The following KCNQ1 variants were observed in gnomAD, a reference collection of about 807,000 sequenced individuals.
KCNQ1 encodes the protein potassium voltage-gated channel subfamily KQT member 1.
Under a neutral mutation model 72.4 loss-of-function variants are expected in KCNQ1, and 49 were observed. The ratio of observed to expected loss-of-function variants is 0.68; its 90% CI spans 0.54 to 0.86. The LOEUF (loss-of-function observed/expected upper bound fraction) is 0.86. Ranked by LOEUF, KCNQ1 falls within the 40% of genes least tolerant of loss-of-function variation. The pLI, the probability that KCNQ1 is intolerant of heterozygous loss-of-function variation, is 0.00. For synonymous variants in KCNQ1, 450 were observed against 412.6 expected, an observed-to-expected ratio of 1.09 and a Z score of -1.10; for missense variants, 790 against 945.1, an observed-to-expected ratio of 0.84 and a Z score of 2.15.
chr11:2,843,633 T>C (rs960926888), intron 15 of KCNQ1, among the ~76,000 whole-genome samples: 20 of 152,268 alleles, frequency 1.3e-4, no homozygotes, highest in African/African-American at 4.8e-4. Flanking sequence ...TTGGCGGTCC[T>C]AGGCGGGGAT....
At position 2,613,170 on chromosome 11, in the gene KCNQ1, A is replaced by G. The variant is rs1217995619; in HGVS notation, c.1393+24316A>G. On this transcript the variant is annotated intron_variant, in intron 10 of 15. Coordinates refer to ENST00000155840, the MANE Select transcript of KCNQ1 (RefSeq NM_000218.3). This position sits in a 1 kb window ranked among gnomAD's most constrained non-coding sequence, Gnocchi z 4.8. ...ATCTATGTGTGGGTTGGGACATTCAAAGTTCAGGCACTTTATAACTCTGTC... is the reference window on the plus strand; with the variant it reads ...ATCTATGTGTGGGTTGGGACATTCAGAGTTCAGGCACTTTATAACTCTGTC... The G allele has an allele frequency of 2.5e-6, 1 of 398,396 alleles. No homozygotes were observed. Among genetic ancestry groups the G allele is most frequent in the African/African-American group, 2.1e-5 (1 of 48,586 alleles). 24.7% of individuals were successfully genotyped at this position (398,396 alleles called of 1,614,324 possible).
At chr11:2,460,731 C>A (rs1210526954) in intron 1 of KCNQ1, among the ~76,000 whole-genome samples, 1 of 152,244 alleles carries the variant, frequency 6.6e-6, no homozygotes, top group East Asian at 1.9e-4. Flanking sequence ...AGCAACCCCC[C>A]ATCCGGGTGG....
intron 15 of KCNQ1, among the ~76,000 whole-genome samples, chr11:2,831,759 C>T (rs1847956645): frequency 6.6e-6 from 1 of 150,780 alleles, no homozygotes; most frequent in South Asian, 2.1e-4. Context: ...CCGTTGCCCC[C>T]TCCTCCCTCC....
At chr11:2,761,250 C>A (rs1295756230) in intron 11 of KCNQ1, among the ~76,000 whole-genome samples, 3 of 152,156 alleles carry the variant, frequency 2.0e-5, no homozygotes, top group Non-Finnish European at 4.4e-5. Context: ...TTCCTCCGGT[C>A]AATGGTCTGC....
rs1847845841 is a variant in KCNQ1, at chr11:2,826,566, A to T, written c.1795-21201A>T. Among the ~76,000 whole-genome samples the T allele has an allele frequency of 6.6e-6, 1 of 152,202 alleles. No homozygotes were observed. Among genetic ancestry groups the T allele is most frequent in the Non-Finnish European group, 1.5e-5 (1 of 68,016 alleles). On this transcript the variant is annotated intron_variant, in intron 15 of 15. Coordinates refer to ENST00000155840, the MANE Select transcript of KCNQ1 (RefSeq NM_000218.3). This position sits in a 1 kb window ranked among gnomAD's most constrained non-coding sequence, Gnocchi z 4.2. ...GCTTCCCCGAAGGCCTCCCCAGCAG[A>T]CCTGCAGCTGGGCACCCACAGGGTA...
At chr11:2,594,253 G>A (rs747066335) in intron 10 of KCNQ1, among the ~76,000 whole-genome samples, 1 of 152,196 alleles carries the variant, frequency 6.6e-6, no homozygotes, top group Non-Finnish European at 1.5e-5. Flanking sequence ...CTCTGGAGCT[G>A]TAACACTGCA....
chr11:2,627,840 T>G lies in KCNQ1; in HGVS notation c.1394-34121T>G, dbSNP rs1259073057. 5.0e-6 allele frequency: 2 copies of G among 398,466 alleles called. No homozygotes were observed. Among genetic ancestry groups the G allele is most frequent in the African/African-American group, 2.1e-5 (1 of 48,606 alleles). The allele number at this position is 398,466 out of a possible 1,614,324, so 24.7% of individuals were successfully genotyped here. On this transcript the variant is annotated intron_variant, in intron 10 of 15. Coordinates refer to ENST00000155840, the MANE Select transcript of KCNQ1 (RefSeq NM_000218.3). This position sits in a 1 kb window ranked among gnomAD's most constrained non-coding sequence, Gnocchi z 4.9. ...ATCACAGTTCACTGTAGCCTCAACCTCATGGGCTCAAGTGATCCTCCTGCC... is the reference window on the plus strand; with the variant it reads ...ATCACAGTTCACTGTAGCCTCAACCGCATGGGCTCAAGTGATCCTCCTGCC...
rs962738295 is a variant in KCNQ1 at position 2,848,703 on chromosome 11, C to G, written c.*700C>G. ...CCAGCTCTTCCTAGCTGGAGAGGAGCCCTGCCTCTCCGCCCCTGAGCCCAC... is the reference window on the plus strand; with the variant it reads ...CCAGCTCTTCCTAGCTGGAGAGGAGGCCTGCCTCTCCGCCCCTGAGCCCAC... On this transcript the variant is annotated 3_prime_UTR_variant, in exon 16 of 16. Transcript: ENST00000155840. 4 of 451,380 alleles carry G rather than the reference C, an allele frequency of 8.9e-6. No individual in the cohort carries two copies. The highest frequency in any genetic ancestry group is 4.0e-5 in the African/African-American group (2 of 49,950). The allele number at this position is 451,380 out of a possible 1,614,324, so 28.0% of individuals were successfully genotyped here. A position where few individuals can be genotyped will look rare whatever the true frequency, so the allele number is the denominator to read the frequency against.
At chr11:2,604,022 C>T (rs1431328679) in intron 10 of KCNQ1, among the ~76,000 whole-genome samples, 2 of 152,158 alleles carry the variant, frequency 1.3e-5, no homozygotes, top group African/African-American at 4.8e-5. Flanking sequence ...AATGAATAAT[C>T]TTCCATCGTA....
Position 2,601,838 on chromosome 11 carries a change from A to T in KCNQ1, c.1393+12984A>T, listed in dbSNP as rs1848812938. Among the ~76,000 whole-genome samples the T allele has an allele frequency of 6.6e-6, 1 of 152,196 alleles. No individual in the cohort carries two copies. The highest frequency in any genetic ancestry group is 1.5e-5 in the Non-Finnish European group (1 of 68,048). On this transcript the variant is annotated intron_variant, in intron 10 of 15. Coordinates refer to ENST00000155840, the MANE Select transcript of KCNQ1 (RefSeq NM_000218.3). The surrounding 1 kb of genome is among the most constrained non-coding windows in gnomAD (Gnocchi z 5.2). ...TCCCTCATCCAAGGACATGTGGGTC[A>T]TTCCCAGTTTGGGCTATTACAAATC...
At position 2,817,391 on chromosome 11, in the gene KCNQ1, C is replaced by T. The variant is rs570375382; in HGVS notation, c.1795-30376C>T. Among the ~76,000 whole-genome samples the T allele has an allele frequency of 2.6e-5, 4 of 152,196 alleles. No homozygotes were observed. The highest frequency in any genetic ancestry group is 4.8e-5 in the African/African-American group (2 of 41,510). ...CCAGGAGGAGAATCACACCAGTGCC[C>T]CCTGACCCCCAGCCTTGTGCAGACA... On this transcript the variant is annotated intron_variant, in intron 15 of 15. Coordinates refer to ENST00000155840, the MANE Select transcript of KCNQ1 (RefSeq NM_000218.3). This position sits in a 1 kb window ranked among gnomAD's most constrained non-coding sequence, Gnocchi z 6.1.
rs1048689244 is a variant in KCNQ1, at chr11:2,581,104, T to G, written c.922-2331T>G. On this transcript the variant is annotated intron_variant, in intron 6 of 15. Transcript: ENST00000155840. ...CCCAAAAAATCTGGATTAGACAGAC[T>G]CTGGAGCCCTCTTGCTCCAGGTTGC... 3.9e-5 allele frequency among the ~76,000 whole-genome samples: 6 copies of G among 152,200 alleles called. No individual in the cohort carries two copies. In the South Asian group the frequency reaches 1.2e-3, roughly 31 times the overall value.
At position 2,494,485 on chromosome 11, in the gene KCNQ1, G is replaced by A. The variant is rs1045584674; in HGVS notation, c.387-33443G>A. ...TCAGTATGATATTGCCTGTGGGTTT[G>A]TCATAAATAGCTCTTGTTATTTTGA... On this transcript the variant is annotated intron_variant, in intron 1 of 15. Transcript: ENST00000155840. The surrounding 1 kb of genome is among the most constrained non-coding windows in gnomAD (Gnocchi z 4.6). Among the ~76,000 whole-genome samples the A allele has an allele frequency of 6.6e-6, 1 of 152,120 alleles. No homozygotes were observed. The highest frequency in any genetic ancestry group is 1.5e-5 in the Non-Finnish European group (1 of 68,036).
chr11:2,597,156 T>C (rs746510437), intron 10 of KCNQ1, among the ~76,000 whole-genome samples: 1 of 152,178 alleles, frequency 6.6e-6, no homozygotes, highest in Admixed American at 6.5e-5. Flanking sequence ...TTGAAACTTA[T>C]CTGATTATTA....
intron 2 of KCNQ1, among the ~76,000 whole-genome samples, chr11:2,560,361 T>G (rs1300274860): frequency 1.5e-4 from 5 of 32,842 alleles, no homozygotes; most frequent in Admixed American, 1.5e-3. Context: ...ATGGGGGGGG[T>G]GACATCCATC....
intron 11 of KCNQ1, chr11:2,700,020 A>G (rs972175371): frequency 1.3e-4 from 51 of 398,030 alleles, no homozygotes; most frequent in Non-Finnish European, 2.0e-4. Context: ...CAGCGCTCCG[A>G]CTGCCCCCGC....
rs559946878 is a variant in KCNQ1 at position 2,588,452 on chromosome 11, C to T, written c.1252-261C>T. On this transcript the variant is annotated intron_variant, in intron 9 of 15. Transcript: ENST00000155840. This position sits in a 1 kb window ranked among gnomAD's most constrained non-coding sequence, Gnocchi z 5.6. ...CCACCTCCACTGGCACCATCTTGTACGTTTATCTGCTTCCTGCTGTCCTGT... is the reference window on the plus strand; with the variant it reads ...CCACCTCCACTGGCACCATCTTGTATGTTTATCTGCTTCCTGCTGTCCTGT... 2.6e-4 allele frequency among the ~76,000 whole-genome samples: 40 copies of T among 152,308 alleles called. No homozygotes were observed. The highest frequency in any genetic ancestry group is 7.7e-4 in the African/African-American group (32 of 41,578).
At chr11:2,719,880 G>A (rs1454924526) in intron 11 of KCNQ1, among the ~76,000 whole-genome samples, 1 of 152,228 alleles carries the variant, frequency 6.6e-6, no homozygotes, top group African/African-American at 2.4e-5. Flanking sequence ...ATCATTTTCA[G>A]TGACAGAAAG....
intron 10 of KCNQ1, among the ~76,000 whole-genome samples, chr11:2,590,411 G>T (rs1317239794): frequency 3.3e-5 from 5 of 152,222 alleles, no homozygotes; most frequent in African/African-American, 1.2e-4. Flanking sequence ...CCAGGGCGTG[G>T]TCCCCCTTGG....
Sources: gnomAD v4.1 joint callset for allele counts (sites outside exome capture counted in the v4.1 genomes callset) on GRCh38, gnomAD v4.1.1 for gene constraint, Gnocchi (gnomAD v3.1) non-coding constraint, MANE v1.5 for transcripts, NCBI Gene and HGNC (gene_info 2026-07-23, HGNC 2026-07-21) for gene names.